Variants in WDR90 observed in about 807,000 individuals in gnomAD.
The protein encoded by WDR90 is WD repeat domain 90, also known as WD repeat-containing protein 90.
Under a neutral mutation model 195.2 loss-of-function variants are expected in WDR90, and 238 were observed. That is an observed-to-expected ratio of 1.22 (90% confidence interval 1.10 to 1.36). The LOEUF (loss-of-function observed/expected upper bound fraction) is 1.36. WDR90 is among the 40% of genes most tolerant of loss of function. WDR90 has a pLI of 0.00. For synonymous variants in WDR90, 1,265 were observed against 1,052.4 expected (o/e 1.20, Z -3.91); for missense variants, 2,734 against 2,439.5 (o/e 1.12, Z -2.54).
Position 649,769 on chromosome 16 carries a change from A to G in WDR90, c.17A>G (p.Gln6Arg). The G allele has an allele frequency of 6.4e-7, 1 of 1,559,172 alleles. No homozygotes were observed. The highest frequency in any genetic ancestry group is 1.2e-5 in the South Asian group (1 of 85,062). The change falls in exon 2 of 41, where the codon CAG becomes CGG. Residue 6 changes from glutamine to arginine, a missense_variant. Gln to Arg is a conservative substitution (Grantham distance 43, BLOSUM62 1). Coordinates refer to ENST00000293879, the MANE Select transcript of WDR90 (RefSeq NM_145294.5). ...CGGCGCCCGCTCCCCGCAGCGTGGC[A>G]GCACCCGTTCCTCAACGTCTTCAGA... MARAW[Q>R]HPFLNVFRHF...
In WDR90 at chr16:655,043, G is replaced by A. The variant is rs1466046391; in HGVS notation, c.1452G>A (p.Trp484Ter). 6.2e-7 allele frequency: 1 copy of A among 1,612,594 alleles called. No individual in the cohort carries two copies. The highest frequency in any genetic ancestry group is 2.2e-5 in the East Asian group (1 of 44,870). ...DHHGRTMVVA[W>*]GTGQVGLGGE... ...GCTTGTTGCAGATGGTGGTGGCCTG[G>A]GGCACCGGCCAGGTGGGCCTCGGTG... The change falls in exon 14 of 41, where the codon TGG (tryptophan) becomes TGA (stop). Residue 484 changes from tryptophan to a stop codon, truncating the protein, a stop_gained. Coordinates refer to ENST00000293879, the MANE Select transcript of WDR90 (RefSeq NM_145294.5). LOFTEE classifies it high-confidence loss of function.
chr16:658,061 C>A, intron 21 of WDR90, 122 bp from the exon 22 acceptor site: 1 of 1,467,064 alleles, frequency 6.8e-7, no homozygotes, highest in Non-Finnish European at 9.1e-7. Context: ...GGTTCCTGTG[C>A]AGGGCAGGTG....
At chr16:662,621 C>G in intron 33 of WDR90, 58 bp from the exon 34 acceptor site, 2 of 1,511,954 alleles carry the variant, frequency 1.3e-6, no homozygotes, top group East Asian at 4.6e-5. Context: ...ACCCAGCTGG[C>G]TCTTGTCATC....
At chr16:660,846 A>C in intron 28 of WDR90, 132 bp downstream of exon 28, 2 of 1,084,698 alleles carry the variant, frequency 1.8e-6, no homozygotes, top group South Asian at 3.5e-5. Context: ...TTCTCCCGGT[A>C]GCGCCTCCTG....
In WDR90 at chr16:665,684, C is replaced by A; in HGVS notation, c.4317C>A (p.Asn1439Lys). The change falls in exon 35 of 41, where the codon AAC (asparagine) becomes AAA (lysine). Residue 1439 changes from asparagine to lysine, a missense_variant. Asn to Lys is a moderately conservative substitution (Grantham distance 94). Coordinates refer to ENST00000293879, the MANE Select transcript of WDR90 (RefSeq NM_145294.5). ...RLISGHRSKV[N>K]EVVFSPGESH... is the part of the protein sequence containing the mutation. The stretch of plus-strand genomic sequence containing the variant: ...CTAGCTACGGCTTCCCCCAGGTGAA[C>A]GAGGTGGTCTTCAGCCCCGGGGAGT... 1 of 1,612,662 alleles carries A rather than the reference C, an allele frequency of 6.2e-7. No individual in the cohort carries two copies. Among genetic ancestry groups the A allele is most frequent in the Non-Finnish European group, 8.5e-7 (1 of 1,179,896 alleles).
intron 27 of WDR90, 58 bp from the exon 28 acceptor site, chr16:660,554 T>C (rs1353660295): frequency 1.1e-5 from 17 of 1,516,308 alleles, no homozygotes; most frequent in Non-Finnish European, 1.4e-5. Flanking sequence ...ATGTGCAGGC[T>C]TTGGGGCACA....
rs556455610 is a variant in WDR90, at chr16:655,130, C to T, written c.1539C>T (p.Thr513=). ...TDFDVQAFRV[T]FFDETRMASC... is the part of the protein sequence containing the mutation. ...TTGACGTCCAGGCCTTCCGGGTCAC[C>T]TTTTTTGATGAAACCAGGTGATGCA... The change falls in exon 14 of 41, where the codon ACC becomes ACT. Residue 513 remains threonine, a synonymous_variant. Coordinates refer to ENST00000293879, the MANE Select transcript of WDR90 (RefSeq NM_145294.5). 2.5e-6 allele frequency: 4 copies of T among 1,612,768 alleles called. No homozygotes were observed. The South Asian group carries it at 4.4e-5, about 18-fold the overall frequency.
At chr16:663,453 A>G in intron 34 of WDR90, 1 of 227,282 alleles carries the variant, frequency 4.4e-6, no homozygotes, top group Non-Finnish European at 8.9e-6. Context: ...AAAAAAGATG[A>G]AAAACCCCAC....
rs373951524 is a variant in WDR90, at chr16:653,755, C to G, written c.1389C>G (p.Asp463Glu). The G allele has an allele frequency of 1.2e-6, 2 of 1,613,306 alleles. No individual in the cohort carries two copies. Among genetic ancestry groups the G allele is most frequent in the African/African-American group, 2.7e-5 (2 of 75,078 alleles). The change falls in exon 13 of 41, where the codon GAC (aspartate) becomes GAG (glutamate). Residue 463 changes from aspartate (D) to glutamate (E), a missense_variant. Transcript: ENST00000293879. ...MHVVCSLSFS[D>E]SGALLCGVGK... The stretch of plus-strand genomic sequence containing the variant: ...TCCTCCCTGTTCACAGCTTCTCTGA[C>G]AGCGGGGCCCTTCTCTGCGGGGTTG...
chr16:657,659 G>A, intron 20 of WDR90, 103 bp from the exon 21 acceptor site: 1 of 1,397,462 alleles, frequency 7.2e-7, no homozygotes, highest in Admixed American at 2.9e-5. Context: ...TCCGGGGCTG[G>A]TGTTTCCCGA....
chr16:662,618 T>A, intron 33 of WDR90, 61 bp from the exon 34 acceptor site: 1 of 1,511,746 alleles, frequency 6.6e-7, no homozygotes, highest in Non-Finnish European at 8.8e-7. Flanking sequence ...GGGACCCAGC[T>A]GGCTCTTGTC....
chr16:652,367 A>G, intron 9 of WDR90, 100 bp from the exon 10 acceptor site: 1 of 1,381,604 alleles, frequency 7.2e-7, no homozygotes, highest in Middle Eastern at 1.9e-4. Flanking sequence ...TCTTCTTGAG[A>G]GGCAGGACCC....
rs537937084 is a variant in WDR90, at chr16:649,636, G to C, written c.11-127G>C. 2,657 of 1,178,296 alleles carry C rather than the reference G, an allele frequency of 2.3e-3. 58 individuals carry two copies. In the African/African-American group the frequency reaches 0.039, roughly 17 times the overall value. The allele number at this position is 1,178,296 out of a possible 1,614,324, so 73.0% of individuals were successfully genotyped here. ...GCCTCGTCCCGCCAGCCTAGCTGGC[G>C]TTGGCGTCGCCGGGGAAGGCGCGGA... On this transcript the variant is annotated intron_variant, in intron 1 of 40. Coordinates refer to ENST00000293879, the MANE Select transcript of WDR90 (RefSeq NM_145294.5).
Position 661,519 on chromosome 16 carries a change from T to C in WDR90, c.3673+18T>C, listed in dbSNP as rs1596467850. The C allele has an allele frequency of 2.5e-6, 4 of 1,587,044 alleles. No individual in the cohort carries two copies. The highest frequency in any genetic ancestry group is 1.4e-5 in the African/African-American group (1 of 69,792). On this transcript the variant is annotated intron_variant, in intron 30 of 40. Coordinates refer to ENST00000293879, the MANE Select transcript of WDR90 (RefSeq NM_145294.5). ...CACACTGGGTCAGTGGGAGGGAGGGTGGAGGCCAGGGGCTTCCCTAGACCC... is the reference window on the plus strand; with the variant it reads ...CACACTGGGTCAGTGGGAGGGAGGGCGGAGGCCAGGGGCTTCCCTAGACCC...
At position 667,465 on chromosome 16, in the gene WDR90, G is replaced by A; in HGVS notation, c.5123G>A (p.Gly1708Glu). 6.2e-7 allele frequency: 1 copy of A among 1,607,772 alleles called. No individual in the cohort carries two copies. The highest frequency in any genetic ancestry group is 8.5e-7 in the Non-Finnish European group (1 of 1,175,962). ...CMLRLVDCAM[G>E]TAQDFAGHDN... ...CTGAGGCTGGTAGACTGTGCCATGG[G>A]GACTGCCCAAGACTTTGCCGGCCAC... Residue 1708 changes from glycine to glutamate, a missense_variant, in exon 41 of 41, where the codon GGG becomes GAG. By Grantham distance (98) the Gly-to-Glu change is moderately conservative. Transcript: ENST00000293879.
chr16:663,400 T>C (rs947247264), intron 34 of WDR90: 28 of 216,996 alleles, frequency 1.3e-4, no homozygotes, highest in Admixed American at 9.0e-4. Context: ...ATTGCACCAC[T>C]GCACTCCAGC....
chr16:655,113 C>A lies in WDR90; in HGVS notation c.1522C>A (p.Gln508Lys). ...AAAGGCGCACACTGACTTTGACGTC[C>A]AGGCCTTCCGGGTCACCTTTTTTGA... ...LAKAHTDFDV[Q>K]AFRVTFFDET... Residue 508 changes from glutamine to lysine, a missense_variant, in exon 14 of 41, where the codon CAG becomes AAG. Transcript: ENST00000293879. 1 of 1,612,828 alleles carries A rather than the reference C, an allele frequency of 6.2e-7. No homozygotes were observed. Among genetic ancestry groups the A allele is most frequent in the Non-Finnish European group, 8.5e-7 (1 of 1,179,856 alleles).
At chr16:663,067 C>T (rs1454968190) in intron 34 of WDR90, 1 of 707,928 alleles carries the variant, frequency 1.4e-6, no homozygotes, top group Non-Finnish European at 2.5e-6. Flanking sequence ...CCTTGCAGGT[C>T]TTCTCAAACT....
rs368519441 is a variant in WDR90, at chr16:666,809, G to A, written c.5004+17G>A. ...CAGAAGCAGGTACACGCAGCTGCCC[G>A]CGTGTCACTGGGAGCCCCAGGGATC... On this transcript the variant is annotated intron_variant, in intron 39 of 40. Coordinates refer to ENST00000293879, the MANE Select transcript of WDR90 (RefSeq NM_145294.5). The A allele has an allele frequency of 2.1e-5, 34 of 1,612,620 alleles. No homozygotes were observed. Among genetic ancestry groups the A allele is most frequent in the Non-Finnish European group, 2.6e-5 (31 of 1,179,904 alleles).
Sources: gnomAD v4.1 joint callset for allele counts on GRCh38, gnomAD v4.1.1 for gene constraint, MANE v1.5 for transcripts, NCBI Gene and HGNC (gene_info 2026-07-23, HGNC 2026-07-21) for gene names.